Variants in USP48 observed in about 807,000 individuals in gnomAD.
The protein encoded by USP48 is ubiquitin specific peptidase 48.
A neutral mutation model predicts 150.7 loss-of-function variants in USP48; 43 were observed. The observed-to-expected ratio is 0.29, with a 90% CI of 0.22 to 0.37. USP48 has a LOEUF of 0.37. USP48 is among the 10% of genes least tolerant of loss of function. The probability of loss-of-function intolerance (pLI) is 1.00; values close to 1 mark genes in which losing one functional copy is unlikely to be tolerated. For synonymous variants in USP48, 396 were observed against 425.9 expected (o/e 0.93, Z 0.86); for missense variants, 813 against 1,249.6 (o/e 0.65, Z 5.27).
chr1:21,748,936 G>GA (rs2097802079), intron 6 of USP48, among the ~76,000 whole-genome samples: 1 of 152,002 alleles, frequency 6.6e-6, no homozygotes, highest in Non-Finnish European at 1.5e-5. Flanking sequence ...AAACAGGAGG[G>GA]AGGAGGGTAG....
At chr1:21,703,710 G>C (rs2097664107) in intron 20 of USP48, 92 bp from the exon 21 acceptor site, 1 of 971,216 alleles carries the variant, frequency 1.0e-6, no homozygotes, top group Non-Finnish European at 1.6e-6. Flanking sequence ...AAAGTTACTA[G>C]TGAATATTCA....
intron 15 of USP48, among the ~76,000 whole-genome samples, chr1:21,709,686 C>A (rs2097685174): frequency 6.6e-6 from 1 of 151,840 alleles, no homozygotes; most frequent in African/African-American, 2.4e-5. Flanking sequence ...ATTAAATGAG[C>A]AGAGGAGACC....
chr1:21,760,132 T>A (rs904226328), intron 1 of USP48, among the ~76,000 whole-genome samples: 1 of 152,116 alleles, frequency 6.6e-6, no homozygotes, highest in Non-Finnish European at 1.5e-5. Flanking sequence ...TGAGGAAACA[T>A]CAGACCAAAC....
At chr1:21,715,220 G>C in intron 15 of USP48, 169 bp downstream of exon 15, 1 of 532,218 alleles carries the variant, frequency 1.9e-6, no homozygotes, top group Non-Finnish European at 3.4e-6. Context: ...AATGGAACAA[G>C]TGACAAGAAG....
intron 11 of USP48, chr1:21,728,209 G>A (rs1041250220): frequency 2.1e-4 from 211 of 1,009,158 alleles, no homozygotes; most frequent in Non-Finnish European, 2.4e-4. Context: ...AGGTCACAAA[G>A]TATGCAAAGA....
chr1:21,757,165 T>C (rs371496411), intron 2 of USP48, among the ~76,000 whole-genome samples: 3 of 152,176 alleles, frequency 2.0e-5, no homozygotes, highest in Non-Finnish European at 2.9e-5. Flanking sequence ...AAAGATAAGG[T>C]TGGGAATTCC....
chr1:21,755,305 A>G (rs2097829389), intron 3 of USP48, among the ~76,000 whole-genome samples: 1 of 150,516 alleles, frequency 6.6e-6, no homozygotes, highest in Non-Finnish European at 1.5e-5. Flanking sequence ...TCATGCCTGT[A>G]ATCCCAGCAC....
chr1:21,706,559 C>T lies in USP48; in HGVS notation c.2119G>A (p.Ala707Thr). Residue 707 changes from alanine (A) to threonine (T), a missense_variant, in exon 17 of 27, where the codon GCC becomes ACC. Transcript: ENST00000308271. ...ILEREGEENE[A>T]LHKMIANEQK... ...TCGTTTGCAATCATCTTATGTAAGG[C>T]TTCATTTTCTTCCCCTTCTCTTTCT... The T allele has an allele frequency of 6.2e-7, 1 of 1,614,188 alleles. No homozygotes were observed. Among genetic ancestry groups the T allele is most frequent in the Non-Finnish European group, 8.5e-7 (1 of 1,180,036 alleles).
intron 23 of USP48, among the ~76,000 whole-genome samples, chr1:21,693,700 C>T (rs574334852): frequency 4.6e-5 from 7 of 152,290 alleles, no homozygotes; most frequent in African/African-American, 9.6e-5. Context: ...TTTGAATGTT[C>T]GAGGTTTCCC....
intron 25 of USP48, among the ~76,000 whole-genome samples, chr1:21,684,188 A>C (rs2097574561): frequency 6.6e-6 from 1 of 152,180 alleles, no homozygotes; most frequent in Non-Finnish European, 1.5e-5. Flanking sequence ...TTATATTTTT[A>C]GTTTTCTGAG....
At chr1:21,746,031 T>C (rs1322365102) in intron 8 of USP48, among the ~76,000 whole-genome samples, 3 of 152,194 alleles carry the variant, frequency 2.0e-5, no homozygotes, top group Non-Finnish European at 4.4e-5. Context: ...ATTTAGCACA[T>C]TCCTCCCCAA....
At chr1:21,701,365 CAAA>C (rs35780642) in intron 22 of USP48, 130 bp downstream of exon 22, 2,710 of 404,714 alleles carry the variant, frequency 6.7e-3, no homozygotes, top group South Asian at 0.01. Flanking sequence ...GACTCCATCT[CAAA>C]AAAAAAAAAA....
chr1:21,755,499 C>T lies in USP48; in HGVS notation c.412+1047G>A, dbSNP rs549392997. ...ATTGCTTGAGCCTGGGAGGTTGAGG[C>T]TACAGTGAGCTGTGCTCGCACCAGC... is the stretch of plus-strand genomic sequence containing the variant. On this transcript the variant is annotated intron_variant, in intron 3 of 26. Coordinates refer to ENST00000308271, the MANE Select transcript of USP48 (RefSeq NM_032236.8). Among the ~76,000 whole-genome samples the T allele has an allele frequency of 2.7e-4, 41 of 152,172 alleles. 2 individuals carry two copies. In the South Asian group the frequency reaches 8.3e-3, roughly 31 times the overall value.
intron 6 of USP48, among the ~76,000 whole-genome samples, chr1:21,750,139 G>A (rs1248778886): frequency 6.6e-6 from 1 of 152,006 alleles, no homozygotes; most frequent in East Asian, 1.9e-4. Context: ...TTCTGACAAA[G>A]GTTTACTAGG....
chr1:21,728,795 A>C (rs1445145279), intron 10 of USP48, 76 bp from the exon 11 acceptor site: 2 of 1,530,902 alleles, frequency 1.3e-6, no homozygotes, highest in South Asian at 2.4e-5. Context: ...TCTCTAAATC[A>C]TATCAAATAC....
intron 1 of USP48, among the ~76,000 whole-genome samples, chr1:21,766,925 G>A (rs902535372): frequency 2.0e-5 from 3 of 152,074 alleles, no homozygotes; most frequent in African/African-American, 4.8e-5. Context: ...ATTAGCCGGC[G>A]TGGTGGCGGG....
In USP48 at chr1:21,765,734, A is replaced by G. The variant is rs539357757; in HGVS notation, c.135-7951T>C. Among the ~76,000 whole-genome samples, 16 of 152,062 alleles carry G rather than the reference A, an allele frequency of 1.1e-4. No homozygotes were observed. In the East Asian group the frequency reaches 3.1e-3, roughly 29 times the overall value. ...TGGAAGATGAGGTCTTAAAAAGCCA[A>G]TTTAGGCCGGGTGTGGTGGCTCACA... On this transcript the variant is annotated intron_variant, in intron 1 of 26. Coordinates refer to ENST00000308271, the MANE Select transcript of USP48 (RefSeq NM_032236.8).
chr1:21,749,515 T>C (rs1029275834), intron 6 of USP48, among the ~76,000 whole-genome samples: 5 of 152,196 alleles, frequency 3.3e-5, no homozygotes, highest in African/African-American at 9.6e-5. Flanking sequence ...TTCTTTCAGT[T>C]GATCAGGCCA....
chr1:21,715,051 T>A (rs2097700543), intron 15 of USP48: 1 of 201,044 alleles, frequency 5.0e-6, no homozygotes, highest in African/African-American at 2.4e-5. Context: ...CAGTCAGAGA[T>A]CTTGTTGCAC....
Sources: allele counts gnomAD v4.1 joint callset (sites outside exome capture counted in the v4.1 genomes callset), GRCh38; gene constraint gnomAD v4.1.1; transcripts MANE v1.5; gene names NCBI Gene and HGNC (gene_info 2026-07-23, HGNC 2026-07-21).